The following EDA2R variants were observed in gnomAD, a reference collection of about 807,000 sequenced individuals.
EDA2R encodes tumor necrosis factor receptor superfamily member 27.
Under a neutral mutation model 20.1 loss-of-function variants are expected in EDA2R, and 26 were observed. The ratio of observed to expected loss-of-function variants is 1.30; its 90% CI spans 0.95 to 1.80. The LOEUF is 1.80. Ranked by LOEUF, EDA2R falls within the 40% of genes most tolerant of loss-of-function variation. The pLI, the probability that EDA2R is intolerant of heterozygous loss-of-function variation, is 0.00. For missense variants in EDA2R, 277 were observed against 228.7 expected, an observed-to-expected ratio of 1.21 and a Z score of -1.36; for synonymous variants, 114 against 88.7, an observed-to-expected ratio of 1.29 and a Z score of -1.60.
intron 6 of EDA2R, among the ~76,000 whole-genome samples, chrX:66,598,952 C>T (rs997116860): frequency 4.5e-5 from 5 of 111,745 alleles, no homozygotes; most frequent in Admixed American, 1.9e-4. Context: ...GGTTCTTGCA[C>T]AGTTCTAGCC....
At chrX:66,606,697 C>T (rs1004587705) in intron 2 of EDA2R, among the ~76,000 whole-genome samples, 1 of 112,210 alleles carries the variant, frequency 8.9e-6, no homozygotes, top group African/African-American at 3.2e-5. Context: ...CTTGTTACAT[C>T]CCTCACCCCA....
rs1927625163 is a variant in EDA2R at position 66,597,304 on chromosome X, A to G, written c.*800T>C. 8.9e-6 allele frequency: 1 copy of G among 112,357 alleles called. No individual in the cohort carries two copies. Among genetic ancestry groups the G allele is most frequent in the Non-Finnish European group, 1.9e-5 (1 of 53,257 alleles). 9.3% of individuals were successfully genotyped at this position (112,357 alleles called of 1,213,427 possible). A position where few individuals can be genotyped will look rare whatever the true frequency, so the allele number is the denominator to read the frequency against. On this transcript the variant is annotated 3_prime_UTR_variant, in exon 7 of 7. Coordinates refer to ENST00000374719, the MANE Select transcript of EDA2R (RefSeq NM_021783.5). ...AAGCTGGGATTGAATTGACATTTCAATAGAAAGAGGCATACTCAGATGTCC... is the reference window on the plus strand; with the variant it reads ...AAGCTGGGATTGAATTGACATTTCAGTAGAAAGAGGCATACTCAGATGTCC...
chrX:66,604,723 C>G (rs963226984), intron 3 of EDA2R, among the ~76,000 whole-genome samples: 60 of 111,529 alleles, frequency 5.4e-4, no homozygotes, highest in African/African-American at 1.9e-3. Flanking sequence ...AAAAGGAGAC[C>G]TAATTCCACA....
At position 66,605,231 on chromosome X, in the gene EDA2R, A is replaced by G; in HGVS notation, c.88-5T>C. On this transcript the variant is annotated splice_polypyrimidine_tract_variant and splice_region_variant and intron_variant, in intron 2 of 6. Coordinates refer to ENST00000374719, the MANE Select transcript of EDA2R (RefSeq NM_021783.5). ...ACCCTCTCCATAACCACAATCCTGTAGACAGATGGGGGTTGTTAATATTGC... is the reference window on the plus strand; with the variant it reads ...ACCCTCTCCATAACCACAATCCTGTGGACAGATGGGGGTTGTTAATATTGC... 8.3e-7 allele frequency: 1 copy of G among 1,198,842 alleles called. No homozygotes were observed. Among genetic ancestry groups the G allele is most frequent in the Non-Finnish European group, 1.1e-6 (1 of 889,040 alleles).
chrX:66,599,966 C>A, intron 5 of EDA2R, 106 bp from the exon 6 acceptor site: 1 of 1,133,328 alleles, frequency 8.8e-7, no homozygotes, highest in Non-Finnish European at 1.2e-6. Context: ...GGAGCTGATT[C>A]TTTCCTTCCT....
intron 1 of EDA2R, among the ~76,000 whole-genome samples, chrX:66,626,248 G>C (rs1933063309): frequency 9.0e-6 from 1 of 111,689 alleles, no homozygotes; most frequent in East Asian, 2.8e-4. Context: ...GAAGCCCAAT[G>C]CAAGGAAATC....
rs752847001 is a variant in EDA2R at position 66,624,507 on chromosome X, A to G, written c.-10-8477T>C. On this transcript the variant is annotated intron_variant, in intron 1 of 6. Transcript: ENST00000374719. ...GCACTCCAGCCTGGGCAACAGAGCA[A>G]GACTCTGTCTCAAATAAATAAATGA... 1.3e-4 allele frequency among the ~76,000 whole-genome samples: 15 copies of G among 112,025 alleles called. 1 individual carries two copies. Among genetic ancestry groups the G allele is most frequent in the Non-Finnish European group, 2.6e-4 (14 of 53,245 alleles).
At chrX:66,606,087 C>T (rs1037337397) in intron 2 of EDA2R, among the ~76,000 whole-genome samples, 1 of 111,633 alleles carries the variant, frequency 9.0e-6, no homozygotes, top group African/African-American at 3.3e-5. Context: ...GAAATAAATG[C>T]TCTCTAGAGA....
chrX:66,604,918 T>G, intron 3 of EDA2R, 130 bp downstream of exon 3: 1 of 622,137 alleles, frequency 1.6e-6, no homozygotes, highest in Admixed American at 3.9e-5. Flanking sequence ...ACTTCTCTCT[T>G]CTGGGAGCTT....
chrX:66,629,019 C>A (rs766734510), intron 1 of EDA2R, among the ~76,000 whole-genome samples: 2 of 111,489 alleles, frequency 1.8e-5, no homozygotes, highest in South Asian at 3.8e-4. Context: ...ATACCAGGGA[C>A]GCAGGGATGG....
At chrX:66,622,118 A>T (rs1932718873) in intron 1 of EDA2R, among the ~76,000 whole-genome samples, 1 of 111,900 alleles carries the variant, frequency 8.9e-6, no homozygotes, top group Non-Finnish European at 1.9e-5. Flanking sequence ...ACAAGGGCCA[A>T]CAAGTGGCAA....
chrX:66,637,241 C>G (rs1489817181), intron 1 of EDA2R, among the ~76,000 whole-genome samples: 1 of 111,798 alleles, frequency 8.9e-6, no homozygotes, highest in Non-Finnish European at 1.9e-5. Context: ...CTACAAAGTT[C>G]TGTAGATTCA....
rs1403441067 is a variant in EDA2R, at chrX:66,600,124, C to G, written c.518-264G>C. 7.3e-6 allele frequency: 8 copies of G among 1,095,687 alleles called. No individual in the cohort carries two copies. The Admixed American group carries it at 1.7e-4, about 23-fold the overall frequency. The allele number at this position is 1,095,687 out of a possible 1,213,427, so 90.3% of individuals were successfully genotyped here. A position where few individuals can be genotyped will look rare whatever the true frequency, so the allele number is the denominator to read the frequency against. ...GAGAAAAAGAAACCTTTGTGGGAAA[C>G]AGGATTTTGATACCATCTCCCTTGC... is the stretch of plus-strand genomic sequence containing the variant. On this transcript the variant is annotated intron_variant, in intron 5 of 6. Coordinates refer to ENST00000374719, the MANE Select transcript of EDA2R (RefSeq NM_021783.5).
chrX:66,637,279 C>T (rs894733920), intron 1 of EDA2R, among the ~76,000 whole-genome samples: 1 of 111,585 alleles, frequency 9.0e-6, no homozygotes, highest in African/African-American at 3.3e-5. Flanking sequence ...TTAAATTCAT[C>T]ACCTCCTTTC....
At chrX:66,619,685 C>T (rs1350430107) in intron 1 of EDA2R, among the ~76,000 whole-genome samples, 1 of 111,338 alleles carries the variant, frequency 9.0e-6, no homozygotes, top group African/African-American at 3.3e-5. Context: ...GCGCATCACC[C>T]ACTCAGTTGT....
chrX:66,604,583 G>A, intron 3 of EDA2R, 77 bp from the exon 4 acceptor site: 1 of 965,419 alleles, frequency 1.0e-6, no homozygotes, highest in Non-Finnish European at 1.4e-6. Context: ...TGGGAAAGCA[G>A]CTCCTAAGAA....
intron 1 of EDA2R, among the ~76,000 whole-genome samples, chrX:66,630,353 A>G (rs1933611721): frequency 8.9e-6 from 1 of 111,828 alleles, no homozygotes; most frequent in South Asian, 3.7e-4. Context: ...GACCTAATTA[A>G]ACTAAAGAGC....
Position 66,605,128 on chromosome X carries a change from G to C in EDA2R, c.186C>G (p.Ile62Met). The C allele has an allele frequency of 8.3e-7, 1 of 1,209,672 alleles. No individual in the cohort carries two copies. Among genetic ancestry groups the C allele is most frequent in the South Asian group, 1.8e-5 (1 of 56,505 alleles). ...GAACACGATTGATGACAGCACAGGT[G>C]ATGCAACTCTGACATCTGTGGTGGC... ...SWGHHRCQSC[I>M]TCAVINRVQK... Residue 62 changes from isoleucine to methionine, a missense_variant, in exon 3 of 7, where the codon ATC (isoleucine) becomes ATG (methionine). Transcript: ENST00000374719.
intron 2 of EDA2R, among the ~76,000 whole-genome samples, chrX:66,613,564 A>G (rs187280095): frequency 7.0e-4 from 78 of 111,877 alleles, no homozygotes; most frequent in African/African-American, 2.3e-3. Flanking sequence ...TCTATTATTC[A>G]TTTGCGTTTA....
Sources: allele counts gnomAD v4.1 joint callset (sites outside exome capture counted in the v4.1 genomes callset), GRCh38; gene constraint gnomAD v4.1.1; transcripts MANE v1.5; gene names NCBI Gene and HGNC (gene_info 2026-07-23, HGNC 2026-07-21).